ANKS1B: variants seen among roughly 807,000 people sequenced by gnomAD.
The protein encoded by ANKS1B is ankyrin repeat and sterile alpha motif domain-containing protein 1B.
Under a neutral mutation model 148.3 loss-of-function variants are expected in ANKS1B, and 36 were observed. That is an observed-to-expected ratio of 0.24 (90% CI 0.19 to 0.32). The LOEUF (loss-of-function observed/expected upper bound fraction) is 0.32. Among genes scored for constraint, ANKS1B ranks in the 10% least tolerant of loss-of-function variants. The pLI, the probability that ANKS1B is intolerant of heterozygous loss-of-function variation, is 1.00. For missense variants in ANKS1B, 1,157 were observed against 1,542.6 expected (o/e 0.75, Z 4.19); for synonymous variants, 542 against 560.8 (o/e 0.97, Z 0.47).
At chr12:99,617,739 G>A (rs1459763715) in intron 9 of ANKS1B, among the ~76,000 whole-genome samples, 1 of 151,842 alleles carries the variant, frequency 6.6e-6, no homozygotes, top group African/African-American at 2.4e-5. Context: ...AAACCACCAT[G>A]GCACATGTCT....
At chr12:99,456,840 A>C (rs1401477042) in intron 10 of ANKS1B, among the ~76,000 whole-genome samples, 5 of 152,192 alleles carry the variant, frequency 3.3e-5, no homozygotes, top group Non-Finnish European at 7.3e-5. Context: ...AAGTTTGGAA[A>C]ACATATTTGA....
chr12:99,688,365 C>T (rs2098661069), intron 8 of ANKS1B, among the ~76,000 whole-genome samples: 1 of 152,214 alleles, frequency 6.6e-6, no homozygotes, highest in Admixed American at 6.5e-5. Context: ...TAAGGCTCAC[C>T]TCATTTGTTT....
At chr12:99,279,600 T>C (rs2078128407) in intron 12 of ANKS1B, among the ~76,000 whole-genome samples, 2 of 152,192 alleles carry the variant, frequency 1.3e-5, no homozygotes, top group Non-Finnish European at 2.9e-5. Context: ...AGAAGCTTTA[T>C]CTTTTGACAA....
At chr12:98,894,826 G>C (rs1467328124) in intron 17 of ANKS1B, 4 of 982,646 alleles carry the variant, frequency 4.1e-6, no homozygotes, top group African/African-American at 1.8e-5. Flanking sequence ...CGCGGAGCTT[G>C]GCCGCGCCGC....
intron 10 of ANKS1B, among the ~76,000 whole-genome samples, chr12:99,488,031 G>T (rs1186695201): frequency 6.6e-6 from 1 of 152,016 alleles, no homozygotes; most frequent in Non-Finnish European, 1.5e-5. Context: ...TTACGGCTAT[G>T]ATATCTTCTT....
intron 17 of ANKS1B, among the ~76,000 whole-genome samples, chr12:98,934,000 T>A (rs556467063): frequency 6.6e-6 from 1 of 152,228 alleles, no homozygotes; most frequent in Non-Finnish European, 1.5e-5. Context: ...GTGCATGAAC[T>A]TTTTATTTTG....
chr12:98,983,153 T>C (rs1254332148), intron 17 of ANKS1B, among the ~76,000 whole-genome samples: 1 of 152,246 alleles, frequency 6.6e-6, no homozygotes. Context: ...GGTTCTCTAC[T>C]TGGGGTCTCA....
chr12:99,119,885 C>T (rs2062318704), intron 15 of ANKS1B, among the ~76,000 whole-genome samples: 1 of 152,176 alleles, frequency 6.6e-6, no homozygotes, highest in African/African-American at 2.4e-5. Flanking sequence ...AGTTCAGTTC[C>T]TATGGTATAT....
chr12:98,756,998 G>C (rs899075978), intron 25 of ANKS1B, among the ~76,000 whole-genome samples: 1 of 151,742 alleles, frequency 6.6e-6, no homozygotes, highest in Non-Finnish European at 1.5e-5. Context: ...CAAAGTGCTG[G>C]GATTACAGGC....
At chr12:99,821,758 A>G (rs1012380932) in intron 2 of ANKS1B, among the ~76,000 whole-genome samples, 1 of 152,076 alleles carries the variant, frequency 6.6e-6, no homozygotes, top group African/African-American at 2.4e-5. Context: ...GAACTAAAAA[A>G]TATGATAGTA....
chr12:99,926,535 C>T (rs1687266232), intron 1 of ANKS1B, among the ~76,000 whole-genome samples: 1 of 152,200 alleles, frequency 6.6e-6, no homozygotes, highest in Non-Finnish European at 1.5e-5. Context: ...TCAGCTCTTC[C>T]TGGGTCTCAG....
At chr12:99,898,770 T>A (rs1318254625) in intron 1 of ANKS1B, among the ~76,000 whole-genome samples, 1 of 152,144 alleles carries the variant, frequency 6.6e-6, no homozygotes, top group Non-Finnish European at 1.5e-5. Context: ...AGGATTAATA[T>A]CAGAGGTGGT....
At chr12:99,086,512 A>G (rs1276020154) in intron 15 of ANKS1B, among the ~76,000 whole-genome samples, 2 of 152,158 alleles carry the variant, frequency 1.3e-5, no homozygotes, top group African/African-American at 4.8e-5. Context: ...AAAGAGAGTT[A>G]CATGCTGAGA....
At chr12:98,817,046 CATA>C (rs1435397522) in intron 19 of ANKS1B, among the ~76,000 whole-genome samples, 3 of 151,878 alleles carry the variant, frequency 2.0e-5, no homozygotes, top group African/African-American at 7.2e-5. Context: ...TTATGTTTGT[CATA>C]ATACTTTCAA....
intron 1 of ANKS1B, among the ~76,000 whole-genome samples, chr12:99,883,614 GGCA>G (rs777913369): frequency 7.6e-5 from 8 of 105,670 alleles, no homozygotes; most frequent in South Asian, 2.9e-4. Flanking sequence ...ATAGACTTGG[GGCA>G]GGGGGGAATC....
intron 22 of ANKS1B, among the ~76,000 whole-genome samples, chr12:98,794,194 C>G (rs1326645650): frequency 6.6e-6 from 1 of 151,904 alleles, no homozygotes; most frequent in East Asian, 1.9e-4. Context: ...GAGTTCGAGA[C>G]CAGCCTGGCC....
chr12:99,713,430 A>G (rs1276034450), intron 8 of ANKS1B, among the ~76,000 whole-genome samples: 2 of 152,120 alleles, frequency 1.3e-5, no homozygotes, highest in Admixed American at 6.5e-5. Flanking sequence ...TCTTCCCTTA[A>G]TCTATGTCTT....
intron 16 of ANKS1B, among the ~76,000 whole-genome samples, chr12:99,064,420 A>G (rs1170034606): frequency 7.2e-5 from 11 of 152,230 alleles, no homozygotes; most frequent in Admixed American, 4.6e-4. Flanking sequence ...TTCCAACAGC[A>G]CAGAATAGCC....
chr12:98,785,473 A>G (rs2098783589), intron 22 of ANKS1B, among the ~76,000 whole-genome samples: 1 of 152,208 alleles, frequency 6.6e-6, no homozygotes, highest in South Asian at 2.1e-4. Context: ...CCGTCTCAAA[A>G]AAAAGAAAAA....
Sources: allele counts gnomAD v4.1 joint callset (sites outside exome capture counted in the v4.1 genomes callset), GRCh38; gene constraint gnomAD v4.1.1; transcripts MANE v1.5; gene names NCBI Gene and HGNC (gene_info 2026-07-23, HGNC 2026-07-21).